Variants in ZNF831 observed in about 807,000 individuals in gnomAD.
ZNF831 encodes zinc finger protein 831.
In ZNF831, 59 loss-of-function variants were observed where a neutral mutation model predicts 95.8. That is an observed-to-expected ratio of 0.62 (90% confidence interval 0.50 to 0.77). The LOEUF is 0.77. Ranked by LOEUF, ZNF831 falls within the 30% of genes least tolerant of loss-of-function variation. ZNF831 has a pLI of 0.00. For synonymous variants in ZNF831, 961 were observed against 925.5 expected, an observed-to-expected ratio of 1.04 and a Z score of -0.70; for missense variants, 2,205 against 2,164.0, an observed-to-expected ratio of 1.02 and a Z score of -0.38.
At chr20:59,245,319 G>A (rs1018699903) in intron 4 of ZNF831, among the ~76,000 whole-genome samples, 1 of 152,228 alleles carries the variant, frequency 6.6e-6, no homozygotes, top group Non-Finnish European at 1.5e-5. Flanking sequence ...GATCTGGTGA[G>A]CTGGACCCTC....
rs934690221 is a variant in ZNF831 at position 59,257,833 on chromosome 20, A to T, written c.*3090A>T. The T allele has an allele frequency of 1.3e-4, 20 of 151,414 alleles. No homozygotes were observed. Among genetic ancestry groups the T allele is most frequent in the Admixed American group, 1.1e-3 (16 of 15,190 alleles). The allele number at this position is 151,414 out of a possible 1,614,324, so 9.4% of individuals were successfully genotyped here. A position where few individuals can be genotyped will look rare whatever the true frequency, so the allele number is the denominator to read the frequency against. ...TCATGAACTAAGGGAAGGGCACTGAATTTTTTTTTGCCAATATCAAAAGTG... is the reference window on the plus strand; with the variant it reads ...TCATGAACTAAGGGAAGGGCACTGATTTTTTTTTTGCCAATATCAAAAGTG... On this transcript the variant is annotated 3_prime_UTR_variant, in exon 6 of 6. Transcript: ENST00000371030.
At chr20:59,240,278 G>T (rs1045186979) in intron 4 of ZNF831, among the ~76,000 whole-genome samples, 2 of 152,096 alleles carry the variant, frequency 1.3e-5, no homozygotes, top group Non-Finnish European at 2.9e-5. Context: ...AAGGGTTAAA[G>T]GCTACCTCCC....
At position 59,192,811 on chromosome 20, in the gene ZNF831, G is replaced by C. The variant is rs368767590; in HGVS notation, c.1792G>C (p.Gly598Arg). ...AACTGCTGCGCGGGAGGCCATGGCC[G>C]GCAAGGGCAGAGCGGGCGGCAGGAA... The part of the protein sequence containing the change: ...KRTAAREAMA[G>R]KGRAGGRKCG... The change falls in exon 2 of 6, where the codon GGC becomes CGC. Residue 598 changes from glycine (G) to arginine (R), a missense_variant. By Grantham distance (125) the Gly-to-Arg change is moderately radical. Transcript: ENST00000371030. This position sits in a 1 kb window ranked among gnomAD's most constrained non-coding sequence, Gnocchi z 5.2. 5.0e-6 allele frequency: 8 copies of C among 1,611,050 alleles called. No homozygotes were observed. The East Asian group carries it at 8.9e-5, about 18-fold the overall frequency.
At chr20:59,211,122 C>T (rs1985301792) in intron 4 of ZNF831, among the ~76,000 whole-genome samples, 1 of 149,152 alleles carries the variant, frequency 6.7e-6, no homozygotes, top group South Asian at 2.1e-4. Context: ...ATCTAAGAAA[C>T]AAGTGGCTTT....
At chr20:59,183,858 G>A (rs1446507816) in intron 1 of ZNF831, among the ~76,000 whole-genome samples, 1 of 152,184 alleles carries the variant, frequency 6.6e-6, no homozygotes, top group East Asian at 1.9e-4. Context: ...TTGCAAATGA[G>A]GGTGGTGCAT....
At chr20:59,156,329 C>T (rs900147740) in intron 2 of ZNF831, among the ~76,000 whole-genome samples, 3 of 152,102 alleles carry the variant, frequency 2.0e-5, no homozygotes, top group African/African-American at 7.2e-5. Flanking sequence ...AGTCTGAGAC[C>T]AGCCTGGCCA....
chr20:59,180,963 A>G (rs1982573093), intron 1 of ZNF831, among the ~76,000 whole-genome samples: 1 of 152,158 alleles, frequency 6.6e-6, no homozygotes, highest in Admixed American at 6.5e-5. Context: ...GTCTTCCACA[A>G]TGGTTGAACT....
chr20:59,215,331 C>A (rs956394621), intron 4 of ZNF831, among the ~76,000 whole-genome samples: 2 of 152,190 alleles, frequency 1.3e-5, no homozygotes, highest in African/African-American at 4.8e-5. Context: ...GATGACACAT[C>A]TGAAGTCTTA....
intron 1 of ZNF831, among the ~76,000 whole-genome samples, chr20:59,175,100 T>C (rs761871793): frequency 1.1e-4 from 16 of 152,264 alleles, no homozygotes; most frequent in Non-Finnish European, 2.4e-4. Flanking sequence ...CTGCTTTCAT[T>C]AGAATTGTTT....
chr20:59,194,459 G>T lies in ZNF831; in HGVS notation c.3440G>T (p.Trp1147Leu), dbSNP rs2146599791. Residue 1147 changes from tryptophan to leucine, a missense_variant, in exon 2 of 6, where the codon TGG becomes TTG. By Grantham distance (61) the Trp-to-Leu change is moderately conservative. Transcript: ENST00000371030. ...LTRPQGVPPG[W>L]PELALSSHSG... ...CGGCCTCAGGGTGTGCCCCCAGGCT[G>T]GCCAGAGCTGGCCTTGTCTTCCCAC... 1 of 1,613,036 alleles carries T rather than the reference G, an allele frequency of 6.2e-7. No individual in the cohort carries two copies. The highest frequency in any genetic ancestry group is 8.5e-7 in the Non-Finnish European group (1 of 1,179,764).
At chr20:59,209,324 T>C (rs922044223) in intron 4 of ZNF831, among the ~76,000 whole-genome samples, 11 of 152,186 alleles carry the variant, frequency 7.2e-5, no homozygotes, top group African/African-American at 2.7e-4. Context: ...ATGAGTGTTT[T>C]CTTGTTGTTC....
chr20:59,244,456 G>A (rs1987494636), intron 4 of ZNF831, among the ~76,000 whole-genome samples: 2 of 152,178 alleles, frequency 1.3e-5, no homozygotes, highest in Admixed American at 1.3e-4. Flanking sequence ...AATACACTTT[G>A]GGGGTTTTCC....
intron 1 of ZNF831, among the ~76,000 whole-genome samples, chr20:59,171,864 C>G (rs1443332158): frequency 6.6e-6 from 1 of 152,176 alleles, no homozygotes; most frequent in Non-Finnish European, 1.5e-5. Flanking sequence ...CTCAGCTGCC[C>G]TGGGTTCTTT....
chr20:59,144,332 G>A (rs74695165), intron 1 of ZNF831, among the ~76,000 whole-genome samples: 13,864 of 152,204 alleles, frequency 0.091, 745 homozygotes, highest in Non-Finnish European at 0.12. Flanking sequence ...GGAGGCTGGA[G>A]GGGTTGCTGA....
intron 4 of ZNF831, among the ~76,000 whole-genome samples, chr20:59,239,945 C>A (rs769309780): frequency 2.0e-5 from 3 of 152,184 alleles, no homozygotes; most frequent in Admixed American, 6.5e-5. Context: ...AAGAAAATAC[C>A]CAGGTAGACA....
chr20:59,221,125 C>T (rs1986042280), intron 4 of ZNF831, among the ~76,000 whole-genome samples: 1 of 152,178 alleles, frequency 6.6e-6, no homozygotes, highest in Non-Finnish European at 1.5e-5. Context: ...GTGTGGTTAT[C>T]ATGGCTGGGA....
Position 59,240,524 on chromosome 20 carries a change from G to A in ZNF831, c.4028-12454G>A, listed in dbSNP as rs184094014. Among the ~76,000 whole-genome samples, 12 of 152,244 alleles carry A rather than the reference G, an allele frequency of 7.9e-5. No individual in the cohort carries two copies. The East Asian group carries it at 2.3e-3, about 29-fold the overall frequency. On this transcript the variant is annotated intron_variant, in intron 4 of 5. Transcript: ENST00000371030. ...GGTTTGAAAATTATTTCTAGGGGCC[G>A]GGCGCGGTGGCTCACTCCTGTAATC...
intron 3 of ZNF831, among the ~76,000 whole-genome samples, chr20:59,199,592 T>C (rs933359926): frequency 6.6e-6 from 1 of 152,192 alleles, no homozygotes; most frequent in African/African-American, 2.4e-5. Flanking sequence ...GTAGAGTGTC[T>C]CATCCATGAG....
rs558775656 is a variant in ZNF831, at chr20:59,193,606, G to C, written c.2587G>C (p.Gly863Arg). ...ATCCCAGAAGCAGGATGCCGATCCC[G>C]GGGAGGTGCCAGGGGGCTCAAAGGA... is the stretch of plus-strand genomic sequence containing the variant. Reference protein sequence around the residue: ...LSSQKQDADPGEVPGGSKESA... With the variant: ...LSSQKQDADPREVPGGSKESA... The change falls in exon 2 of 6, where the codon GGG becomes CGG. Residue 863 changes from glycine (G) to arginine (R), a missense_variant. Coordinates refer to ENST00000371030, the MANE Select transcript of ZNF831 (RefSeq NM_178457.3). 1.9e-6 allele frequency: 3 copies of C among 1,612,236 alleles called. No homozygotes were observed. Among genetic ancestry groups the C allele is most frequent in the South Asian group, 1.1e-5 (1 of 90,994 alleles).
Sources: gnomAD v4.1 joint callset for allele counts (sites outside exome capture counted in the v4.1 genomes callset) on GRCh38, gnomAD v4.1.1 for gene constraint, Gnocchi (gnomAD v3.1) non-coding constraint, MANE v1.5 for transcripts, NCBI Gene and HGNC (gene_info 2026-07-23, HGNC 2026-07-21) for gene names.